The following TRPC7 variants were observed in gnomAD, a reference collection of about 807,000 sequenced individuals.
The protein encoded by TRPC7 is short transient receptor potential channel 7.
In TRPC7, 42 loss-of-function variants were observed where a neutral mutation model predicts 90.1. The ratio of observed to expected loss-of-function variants is 0.47; its 90% confidence interval spans 0.36 to 0.60. The LOEUF is 0.60. Ranked by LOEUF, TRPC7 falls within the 20% of genes least tolerant of loss-of-function variation. The probability of loss-of-function intolerance (pLI) is 0.00; values close to 1 mark genes in which losing one functional copy is unlikely to be tolerated. For missense variants in TRPC7, 955 were observed against 1,112.3 expected (o/e 0.86, Z 2.01); for synonymous variants, 451 against 436.3 (o/e 1.03, Z -0.42).
intron 2 of TRPC7, among the ~76,000 whole-genome samples, chr5:136,334,040 T>A (rs1045674595): frequency 6.6e-6 from 1 of 151,792 alleles, no homozygotes; most frequent in Non-Finnish European, 1.5e-5. Flanking sequence ...GAAAATTTGA[T>A]TTTTTTTTAA....
At chr5:136,293,338 G>A (rs950477454) in intron 3 of TRPC7, among the ~76,000 whole-genome samples, 3 of 152,176 alleles carry the variant, frequency 2.0e-5, no homozygotes, top group African/African-American at 7.2e-5. Context: ...TAGGAAAAGA[G>A]GAAGTCAAAT....
intron 2 of TRPC7, among the ~76,000 whole-genome samples, chr5:136,330,731 G>T (rs542463530): frequency 6.6e-6 from 1 of 152,218 alleles, no homozygotes; most frequent in East Asian, 1.9e-4. Context: ...TCCACCCCAC[G>T]CTAAGTCACC....
At chr5:136,257,593 G>A (rs1053045231) in intron 5 of TRPC7, among the ~76,000 whole-genome samples, 1 of 151,940 alleles carries the variant, frequency 6.6e-6, no homozygotes, top group Non-Finnish European at 1.5e-5. Flanking sequence ...CCCCACAATA[G>A]GAAATATTAA....
intron 3 of TRPC7, among the ~76,000 whole-genome samples, chr5:136,288,894 G>C (rs1046062244): frequency 6.6e-6 from 1 of 152,164 alleles, no homozygotes; most frequent in Non-Finnish European, 1.5e-5. Context: ...TCTGGGCAGT[G>C]GTTTATTATC....
At chr5:136,318,746 T>G (rs1759104383) in intron 2 of TRPC7, among the ~76,000 whole-genome samples, 1 of 152,040 alleles carries the variant, frequency 6.6e-6, no homozygotes, top group Non-Finnish European at 1.5e-5. Context: ...AACTACCACC[T>G]CCTATATGTC....
chr5:136,296,782 A>G (rs1041814652), intron 3 of TRPC7, among the ~76,000 whole-genome samples: 3 of 152,202 alleles, frequency 2.0e-5, no homozygotes, highest in South Asian at 2.1e-4. Context: ...TATTTTTATA[A>G]TGTTTTTTCA....
chr5:136,356,406 T>G (rs904355528), intron 2 of TRPC7, among the ~76,000 whole-genome samples: 3 of 152,234 alleles, frequency 2.0e-5, no homozygotes, highest in Non-Finnish European at 4.4e-5. Flanking sequence ...TCATGTAGTT[T>G]AAAGCATTTC....
At chr5:136,337,483 C>T (rs6879636) in intron 2 of TRPC7, among the ~76,000 whole-genome samples, 3,272 of 152,074 alleles carry the variant, frequency 0.022, 127 homozygotes, top group African/African-American at 0.075. Context: ...CTGGCTAACA[C>T]GGTGAAACCT....
At chr5:136,301,065 T>C (rs1758364750) in intron 3 of TRPC7, among the ~76,000 whole-genome samples, 1 of 152,184 alleles carries the variant, frequency 6.6e-6, no homozygotes. Flanking sequence ...GTTTCACTCT[T>C]GTTGCCCAGG....
rs558257539 is a variant in TRPC7, at chr5:136,310,166, A to G, written c.963+5431T>C. 1.1e-4 allele frequency among the ~76,000 whole-genome samples: 16 copies of G among 152,248 alleles called. 1 individual carries two copies. In the South Asian group the frequency reaches 3.3e-3, roughly 32 times the overall value. ...CTTATACACCATGTCTCTTCTCACC[A>G]CAGGGCTTTCAAACATGCTTTGAAC... On this transcript the variant is annotated intron_variant, in intron 3 of 11. Coordinates refer to ENST00000513104, the MANE Select transcript of TRPC7 (RefSeq NM_020389.3).
At chr5:136,275,481 C>A (rs1193054885) in intron 3 of TRPC7, among the ~76,000 whole-genome samples, 1 of 152,160 alleles carries the variant, frequency 6.6e-6, no homozygotes, top group Non-Finnish European at 1.5e-5. Flanking sequence ...TATTTTCTCA[C>A]TGGATCCCAG....
In TRPC7 at chr5:136,231,464, A is replaced by G. The variant is rs1278245016; in HGVS notation, c.1930T>C (p.Phe644Leu). ...ISVVLKYDHK[F>L]IENIGYVLYG... ...AGAACGTAGCCAATGTTCTCGATGA[A>G]TTTGTGGTCGTATTTCAGCACCACT... Residue 644 changes from phenylalanine to leucine, a missense_variant, in exon 8 of 12, where the codon TTC becomes CTC. Transcript: ENST00000513104. 1 of 1,612,856 alleles carries G rather than the reference A, an allele frequency of 6.2e-7. No individual in the cohort carries two copies. Among genetic ancestry groups the G allele is most frequent in the Non-Finnish European group, 8.5e-7 (1 of 1,179,412 alleles).
intron 2 of TRPC7, among the ~76,000 whole-genome samples, chr5:136,351,681 T>C (rs1194868901): frequency 2.0e-5 from 3 of 152,274 alleles, no homozygotes. Context: ...TTCTGATAAG[T>C]TTGCAAGCAG....
intron 3 of TRPC7, among the ~76,000 whole-genome samples, chr5:136,288,132 T>G (rs1757793542): frequency 6.6e-6 from 1 of 151,962 alleles, no homozygotes. Context: ...AGGAAGAAAC[T>G]GAGGCAGAGG....
In TRPC7 at chr5:136,282,716, A is replaced by G. The variant is rs115181644; in HGVS notation, c.964-7879T>C. 3.1e-3 allele frequency among the ~76,000 whole-genome samples: 472 copies of G among 152,344 alleles called. 1 individual carries two copies. The highest frequency in any genetic ancestry group is 0.011 in the African/African-American group (451 of 41,570). On this transcript the variant is annotated intron_variant, in intron 3 of 11. Transcript: ENST00000513104. ...AAATAAGGGCATAGTCATTGATTCA[A>G]TCATTAGAAATAACATGTGTGTAAC...
At chr5:136,361,200 T>C (rs1434427453) in intron 1 of TRPC7, among the ~76,000 whole-genome samples, 1 of 152,226 alleles carries the variant, frequency 6.6e-6, no homozygotes, top group African/African-American at 2.4e-5. Context: ...GCCCTTATTT[T>C]AGTATTTTTC....
chr5:136,292,233 C>G (rs1757983853), intron 3 of TRPC7, among the ~76,000 whole-genome samples: 1 of 152,084 alleles, frequency 6.6e-6, no homozygotes, highest in Non-Finnish European at 1.5e-5. Flanking sequence ...ATTAAAAGAA[C>G]TAGAGAAGCA....
intron 3 of TRPC7, among the ~76,000 whole-genome samples, chr5:136,308,880 A>G (rs1758736351): frequency 6.6e-6 from 1 of 152,156 alleles, no homozygotes; most frequent in South Asian, 2.1e-4. Flanking sequence ...CAGCCATAAT[A>G]CTATACTGCT....
At chr5:136,328,473 G>C (rs565316270) in intron 2 of TRPC7, among the ~76,000 whole-genome samples, 1 of 152,326 alleles carries the variant, frequency 6.6e-6, no homozygotes, top group African/African-American at 2.4e-5. Flanking sequence ...GGTGATCTTA[G>C]AATTTTTCGT....
Sources: allele counts gnomAD v4.1 joint callset (sites outside exome capture counted in the v4.1 genomes callset), GRCh38; gene constraint gnomAD v4.1.1; transcripts MANE v1.5; gene names NCBI Gene and HGNC (gene_info 2026-07-23, HGNC 2026-07-21).